Variants in RNF123 observed in about 807,000 individuals in gnomAD.
RNF123 encodes E3 ubiquitin-protein ligase RNF123.
RNF123 carries 86 observed loss-of-function variants against 168.5 expected under a neutral mutation model. The ratio of observed to expected loss-of-function variants is 0.51; its 90% CI spans 0.43 to 0.61. The LOEUF (loss-of-function observed/expected upper bound fraction) is 0.61, where lower values mean the gene tolerates loss of function less well. Ranked by LOEUF, RNF123 falls within the 20% of genes least tolerant of loss-of-function variation. The pLI, the probability that RNF123 is intolerant of heterozygous loss-of-function variation, is 0.00. For missense variants in RNF123, 1,419 were observed against 1,729.7 expected, an observed-to-expected ratio of 0.82 and a Z score of 3.19; for synonymous variants, 666 against 689.1, an observed-to-expected ratio of 0.97 and a Z score of 0.52.
Position 49,700,876 on chromosome 3 carries a change from G to A in RNF123, c.1277+167G>A, listed in dbSNP as rs1393593302. On this transcript the variant is annotated intron_variant, in intron 15 of 38. Coordinates refer to ENST00000327697, the MANE Select transcript of RNF123 (RefSeq NM_022064.5). ...ACAGAGCAAGGACGAGAGAGCAAAG[G>A]ACTGAGCCTGGCCAGCCAGCCTAGC... Among the ~76,000 whole-genome samples the A allele has an allele frequency of 2.6e-5, 4 of 152,342 alleles. No homozygotes were observed. In the South Asian group the frequency reaches 8.3e-4, roughly 32 times the overall value.
Position 49,699,522 on chromosome 3 carries a change from G to A in RNF123, c.819G>A (p.Val273=). 6.2e-7 allele frequency: 1 copy of A among 1,612,732 alleles called. No homozygotes were observed. The highest frequency in any genetic ancestry group is 8.5e-7 in the Non-Finnish European group (1 of 1,179,604). Reference sequence around the variant, plus strand: ...AGGACCCACCGAGTGCTGACCTGGTGCGGGCACAGAGGTTGCTGGGCTGCT... The same window carrying A: ...AGGACCCACCGAGTGCTGACCTGGTACGGGCACAGAGGTTGCTGGGCTGCT... ...PLQDPPSADL[V]RAQRLLGCFR... is the part of the protein sequence containing the mutation. Residue 273 remains valine, a synonymous_variant, in exon 11 of 39, where the codon GTG becomes GTA. Coordinates refer to ENST00000327697, the MANE Select transcript of RNF123 (RefSeq NM_022064.5). The surrounding 1 kb of genome is among the most constrained non-coding windows in gnomAD (Gnocchi z 4.8).
Position 49,698,737 on chromosome 3 carries a change from G to C in RNF123, c.571-18G>C. 6.2e-7 allele frequency: 1 copy of C among 1,612,246 alleles called. No homozygotes were observed. Among genetic ancestry groups the C allele is most frequent in the Non-Finnish European group, 8.5e-7 (1 of 1,179,124 alleles). ...TGCTGGGCTTCTGTGCATCTGGTGA[G>C]GCCTCCTCTCATGGCAGGCGTGGGC... On this transcript the variant is annotated intron_variant, in intron 8 of 38. Transcript: ENST00000327697.
At chr3:49,710,467 A>G (rs1428369508) in intron 26 of RNF123, among the ~76,000 whole-genome samples, 1 of 151,884 alleles carries the variant, frequency 6.6e-6, no homozygotes, top group East Asian at 1.9e-4. Flanking sequence ...TTTAGTAGAG[A>G]TGGGGTTTCA....
chr3:49,712,350 C>A, intron 26 of RNF123, 129 bp from the exon 27 acceptor site: 1 of 829,486 alleles, frequency 1.2e-6, no homozygotes, highest in Non-Finnish European at 1.9e-6. Flanking sequence ...ACTGCTCATG[C>A]TTCCTGAAAT....
chr3:49,708,270 C>G (rs904211067), intron 26 of RNF123, among the ~76,000 whole-genome samples: 1 of 152,184 alleles, frequency 6.6e-6, no homozygotes, highest in African/African-American at 2.4e-5. Flanking sequence ...GGTCACCCAT[C>G]ATAGCCATTT....
chr3:49,699,896 C>T lies in RNF123; in HGVS notation c.984+124C>T. ...CCCACAGCATCACCTGGCGAGGGCC[C>T]CATGTGACCAGGGCCCTCAGACCTC... On this transcript the variant is annotated intron_variant, in intron 12 of 38. Coordinates refer to ENST00000327697, the MANE Select transcript of RNF123 (RefSeq NM_022064.5). The surrounding 1 kb of genome is among the most constrained non-coding windows in gnomAD (Gnocchi z 4.8). 1.0e-6 allele frequency: 1 copy of T among 981,254 alleles called. No homozygotes were observed. The highest frequency in any genetic ancestry group is 1.5e-6 in the Non-Finnish European group (1 of 651,518). 60.8% of individuals were successfully genotyped at this position (981,254 alleles called of 1,614,324 possible).
In RNF123 at chr3:49,702,664, T is replaced by C; in HGVS notation, c.1661T>C (p.Met554Thr). 6.2e-7 allele frequency: 1 copy of C among 1,614,232 alleles called. No individual in the cohort carries two copies. The change falls in exon 20 of 39, where the codon ATG (methionine) becomes ACG (threonine). Residue 554 changes from methionine (M) to threonine (T), a missense_variant. Met to Thr is a moderately conservative substitution (Grantham distance 81). This residue lies in a region of RNF123 where 349 missense variants were observed against 344.9 expected (regional missense o/e 1.01). Coordinates refer to ENST00000327697, the MANE Select transcript of RNF123 (RefSeq NM_022064.5). ...NMPMLCPPEY[M>T]VCFLHRLISA... The stretch of plus-strand genomic sequence containing the variant: ...CCCATGCTCTGCCCCCCTGAGTACA[T>C]GGTCTGCTTCTTACACCGGCTGATC...
In RNF123 at chr3:49,698,347, G is replaced by C; in HGVS notation, c.484-93G>C. ...TCCCTCAGATCATCTGTTCCCTTCTGTAGAGCCATATGCATCCAAGGCTGG... is the reference window on the plus strand; with the variant it reads ...TCCCTCAGATCATCTGTTCCCTTCTCTAGAGCCATATGCATCCAAGGCTGG... On this transcript the variant is annotated intron_variant, in intron 7 of 38. Transcript: ENST00000327697. 1.1e-5 allele frequency: 12 copies of C among 1,113,818 alleles called. No homozygotes were observed. In the South Asian group the frequency reaches 1.5e-4, roughly 14 times the overall value. The allele number at this position is 1,113,818 out of a possible 1,614,324, so 69.0% of individuals were successfully genotyped here.
chr3:49,697,473 G>GT lies in RNF123; in HGVS notation c.342+17dup. ...CCTGCTGGGGGTGAGTGAGGGTGAG[G>GT]TGTGGAGACCCAGGTCCAGCCCCTT... On this transcript the variant is annotated intron_variant, in intron 5 of 38. Coordinates refer to ENST00000327697, the MANE Select transcript of RNF123 (RefSeq NM_022064.5). The GT allele has an allele frequency of 6.3e-7, 1 of 1,575,732 alleles. No homozygotes were observed. The highest frequency in any genetic ancestry group is 8.6e-7 in the Non-Finnish European group (1 of 1,159,182).
rs750946450 is a variant in RNF123, at chr3:49,721,487, T to TTCAG, written c.*187_*190dup. On this transcript the variant is annotated 3_prime_UTR_variant, in exon 39 of 39. Coordinates refer to ENST00000327697, the MANE Select transcript of RNF123 (RefSeq NM_022064.5). ...GCCCTAATTGTGCCTGAGCTTGACTTTCAGTCAGGGCCACAGTGAGCATTA... is the reference window on the plus strand; with the variant it reads ...GCCCTAATTGTGCCTGAGCTTGACTTTCAGTCAGTCAGGGCCACAGTGAGCATTA... The TTCAG allele has an allele frequency of 1.1e-6, 1 of 910,294 alleles. No homozygotes were observed. Among genetic ancestry groups the TTCAG allele is most frequent in the Non-Finnish European group, 1.8e-6 (1 of 552,024 alleles). 56.4% of individuals were successfully genotyped at this position (910,294 alleles called of 1,614,324 possible).
chr3:49,706,740 C>T, intron 25 of RNF123, 51 bp from the exon 26 acceptor site: 1 of 1,518,642 alleles, frequency 6.6e-7, no homozygotes, highest in South Asian at 1.1e-5. Context: ...TCAGGGTGGA[C>T]CTGGGTATGG....
In RNF123 at chr3:49,713,844, G is replaced by C. The variant is rs755831481; in HGVS notation, c.2837+19G>C. On this transcript the variant is annotated intron_variant, in intron 29 of 38. Coordinates refer to ENST00000327697, the MANE Select transcript of RNF123 (RefSeq NM_022064.5). ...AGGAGCAGTGAGTGGGGCCTGGGGGGCACACACCCTGGCCACAAGCACCAT... is the reference window on the plus strand; with the variant it reads ...AGGAGCAGTGAGTGGGGCCTGGGGGCCACACACCCTGGCCACAAGCACCAT... The C allele has an allele frequency of 3.3e-5, 53 of 1,612,600 alleles. No individual in the cohort carries two copies. The highest frequency in any genetic ancestry group is 4.4e-5 in the Non-Finnish European group (52 of 1,179,500).
At chr3:49,709,631 G>T (rs1280135382) in intron 26 of RNF123, among the ~76,000 whole-genome samples, 1 of 148,808 alleles carries the variant, frequency 6.7e-6, no homozygotes, top group Non-Finnish European at 1.5e-5. Context: ...TAGAGATGGG[G>T]TTTCTTCATA....
intron 21 of RNF123, among the ~76,000 whole-genome samples, chr3:49,703,918 G>A (rs1361676628): frequency 1.3e-5 from 2 of 152,204 alleles, no homozygotes; most frequent in African/African-American, 2.4e-5. Context: ...TCTGGCTGCC[G>A]CAGTGTATAC....
chr3:49,705,227 A>T (rs1463715079), intron 23 of RNF123, 45 bp downstream of exon 23: 11 of 1,558,060 alleles, frequency 7.1e-6, no homozygotes, highest in Non-Finnish European at 9.6e-6. Flanking sequence ...GGACCCTTCC[A>T]CAGTGTACAG....
At chr3:49,706,385 C>T (rs924532183) in intron 25 of RNF123, among the ~76,000 whole-genome samples, 6 of 152,248 alleles carry the variant, frequency 3.9e-5, no homozygotes, top group Non-Finnish European at 7.3e-5. Context: ...CTGCACCCTC[C>T]GGAGCCCTCT....
intron 35 of RNF123, chr3:49,719,384 G>A: frequency 6.2e-7 from 1 of 1,613,638 alleles, no homozygotes; most frequent in East Asian, 2.2e-5. Flanking sequence ...AGCGCACGGG[G>A]CGGGAAACCC....
chr3:49,716,092 C>G lies in RNF123; in HGVS notation c.3340-10C>G. ...CCCCATCCACCAATGGACTCCTGCT[C>G]CCCTCACAGCTGCTAAACCAGGTGC... On this transcript the variant is annotated splice_polypyrimidine_tract_variant and intron_variant, in intron 33 of 38. Transcript: ENST00000327697. 1.2e-6 allele frequency: 2 copies of G among 1,613,750 alleles called. No individual in the cohort carries two copies. Among genetic ancestry groups the G allele is most frequent in the Non-Finnish European group, 1.7e-6 (2 of 1,179,956 alleles).
chr3:49,700,827 G>C, intron 15 of RNF123, 118 bp downstream of exon 15: 1 of 1,068,052 alleles, frequency 9.4e-7, no homozygotes. Context: ...GAGGACCAGA[G>C]CTGCCCAACG....
Sources: allele counts gnomAD v4.1 joint callset (sites outside exome capture counted in the v4.1 genomes callset), GRCh38; gene constraint gnomAD v4.1.1; regional missense constraint gnomAD v4.1.1; non-coding constraint Gnocchi (gnomAD v3.1); transcripts MANE v1.5; gene names NCBI Gene and HGNC (gene_info 2026-07-23, HGNC 2026-07-21).